Variants in ADAMTSL1 observed in about 807,000 individuals in gnomAD.
ADAMTSL1 encodes the protein ADAMTS like 1, also known as ADAMTS-like protein 1.
A neutral mutation model predicts 201.8 loss-of-function variants in ADAMTSL1; 126 were observed. That is an observed-to-expected ratio of 0.62 (90% CI 0.54 to 0.72). The LOEUF is 0.72. Ranked by LOEUF, ADAMTSL1 falls within the 30% of genes least tolerant of loss-of-function variation. ADAMTSL1 has a pLI of 0.00. For missense variants in ADAMTSL1, 2,679 were observed against 2,277.8 expected (o/e 1.18, Z -3.59); for synonymous variants, 1,121 against 903.4 (o/e 1.24, Z -4.32).
Position 18,505,783 on chromosome 9 carries a change from G to A in ADAMTSL1, c.191+827G>A, listed in dbSNP as rs924087345. ...TACTGTATATACTATATTATAAAAC[G>A]GGAAACAGAAAAAGAATTCTAGACA... On this transcript the variant is annotated intron_variant, in intron 2 of 28. Coordinates refer to ENST00000380548, the MANE Select transcript of ADAMTSL1 (RefSeq NM_001040272.6). Among the ~76,000 whole-genome samples the A allele has an allele frequency of 2.6e-4, 40 of 152,214 alleles. 1 individual carries two copies. The highest frequency in any genetic ancestry group is 1.9e-4 in the East Asian group (1 of 5,180).
chr9:18,579,541 G>A (rs1822965136), intron 4 of ADAMTSL1, among the ~76,000 whole-genome samples: 1 of 152,168 alleles, frequency 6.6e-6, no homozygotes, highest in African/African-American at 2.4e-5. Flanking sequence ...CTATGAGCTT[G>A]ATAAATACTA....
intron 2 of ADAMTSL1, among the ~76,000 whole-genome samples, chr9:18,308,667 C>G (rs143571374): frequency 1.3e-5 from 2 of 152,258 alleles, no homozygotes; most frequent in Admixed American, 1.3e-4. Context: ...AGACCAATAT[C>G]AAGTTCTGCA....
At chr9:17,985,553 C>A (rs550234540) in intron 1 of ADAMTSL1, among the ~76,000 whole-genome samples, 2 of 152,040 alleles carry the variant, frequency 1.3e-5, no homozygotes, top group South Asian at 4.2e-4. Context: ...GCATATAAGA[C>A]AAGGAGGAAA....
At chr9:17,932,192 G>C (rs1826824472) in intron 1 of ADAMTSL1, among the ~76,000 whole-genome samples, 1 of 152,164 alleles carries the variant, frequency 6.6e-6, no homozygotes. Context: ...CTCAAGCAGT[G>C]CTCCTTTCTT....
intron 1 of ADAMTSL1, among the ~76,000 whole-genome samples, chr9:17,997,618 T>C (rs1819436857): frequency 6.6e-6 from 1 of 152,056 alleles, no homozygotes; most frequent in African/African-American, 2.4e-5. Context: ...GCGATGCCTC[T>C]GTTTCATTGA....
At chr9:18,308,044 C>G (rs1018668140) in intron 2 of ADAMTSL1, among the ~76,000 whole-genome samples, 1 of 152,140 alleles carries the variant, frequency 6.6e-6, no homozygotes, top group Non-Finnish European at 1.5e-5. Flanking sequence ...GAAACTCACT[C>G]AAAACCACTC....
chr9:18,108,716 T>C (rs1369102844), intron 1 of ADAMTSL1, among the ~76,000 whole-genome samples: 3 of 152,162 alleles, frequency 2.0e-5, no homozygotes, highest in Admixed American at 2.0e-4. Context: ...TAAAAATTAG[T>C]CAATGTGATG....
At position 18,886,189 on chromosome 9, in the gene ADAMTSL1, TATATATATATATATATATATATAC is replaced by T. The variant is rs970539181; in HGVS notation, c.4250-1640_4250-1617del. On this transcript the variant is annotated intron_variant, in intron 23 of 28. Transcript: ENST00000380548. ...GTGTATATATATATATATATATATA[TATATATATATATATATATATATAC>T]ACACACATACATATACATACATACA... Among the ~76,000 whole-genome samples the T allele has an allele frequency of 3.5e-3, 449 of 129,660 alleles. 8 individuals carry two copies. The highest frequency in any genetic ancestry group is 0.016 in the Middle Eastern group (4 of 250). 85.1% of individuals were successfully genotyped at this position (129,660 alleles called of 152,430 possible).
upstream of ADAMTSL1, chr9:18,474,115 T>G: frequency 5.7e-6 from 3 of 530,516 alleles, no homozygotes; most frequent in East Asian, 5.4e-5. Flanking sequence ...TGAGAGGGGC[T>G]GATGGAAGCT....
chr9:18,050,066 C>A (rs889913514), intron 1 of ADAMTSL1, among the ~76,000 whole-genome samples: 3 of 152,172 alleles, frequency 2.0e-5, no homozygotes, highest in Non-Finnish European at 4.4e-5. Context: ...AGTTTAATGA[C>A]TTTAGTCATC....
intron 3 of ADAMTSL1, among the ~76,000 whole-genome samples, chr9:18,554,944 A>G (rs869310669): frequency 2.0e-5 from 3 of 151,478 alleles, no homozygotes; most frequent in Non-Finnish European, 4.4e-5. Flanking sequence ...TTTCACAAAT[A>G]TGTAAGGAAC....
intron 4 of ADAMTSL1, among the ~76,000 whole-genome samples, chr9:18,607,668 C>G (rs1825113434): frequency 6.6e-6 from 1 of 151,924 alleles, no homozygotes; most frequent in South Asian, 2.1e-4. Context: ...TGTTGGTGTG[C>G]TGCACCCATT....
chr9:18,546,867 G>A (rs1225972580), intron 3 of ADAMTSL1, among the ~76,000 whole-genome samples: 1 of 152,060 alleles, frequency 6.6e-6, no homozygotes, highest in Non-Finnish European at 1.5e-5. Flanking sequence ...GTATTTATTA[G>A]CATCCTATGT....
chr9:18,594,087 G>A (rs1277665398), intron 4 of ADAMTSL1, among the ~76,000 whole-genome samples: 1 of 151,846 alleles, frequency 6.6e-6, no homozygotes, highest in Non-Finnish European at 1.5e-5. Flanking sequence ...TTTTAGTCTG[G>A]AAAAGTCTTT....
intron 1 of ADAMTSL1, among the ~76,000 whole-genome samples, chr9:18,156,479 G>T (rs1827158126): frequency 6.6e-6 from 1 of 151,974 alleles, no homozygotes; most frequent in African/African-American, 2.4e-5. Context: ...CAAAAAGGTT[G>T]ATTTCTACCC....
chr9:17,915,169 T>C (rs1313999163), intron 1 of ADAMTSL1, among the ~76,000 whole-genome samples: 1 of 152,204 alleles, frequency 6.6e-6, no homozygotes, highest in African/African-American at 2.4e-5. Context: ...CCCTTTGCAA[T>C]GTCTTCCTCC....
intron 1 of ADAMTSL1, among the ~76,000 whole-genome samples, chr9:18,007,032 G>T (rs1819856773): frequency 1.3e-5 from 2 of 152,008 alleles, no homozygotes; most frequent in Admixed American, 6.6e-5. Context: ...TAAAAACAGA[G>T]AAATTCCCCA....
chr9:17,908,724 C>T (rs1265322328), intron 1 of ADAMTSL1, among the ~76,000 whole-genome samples: 2 of 152,222 alleles, frequency 1.3e-5, no homozygotes, highest in African/African-American at 2.4e-5. Context: ...TTCCAAAGTT[C>T]TGGGATTACA....
intron 1 of ADAMTSL1, among the ~76,000 whole-genome samples, chr9:17,915,004 A>G (rs955683697): frequency 3.3e-5 from 5 of 152,026 alleles, no homozygotes; most frequent in Non-Finnish European, 7.4e-5. Flanking sequence ...ATAATTTTGC[A>G]TTGTTAAAAA....
Sources: gnomAD v4.1 joint callset for allele counts (sites outside exome capture counted in the v4.1 genomes callset) on GRCh38, gnomAD v4.1.1 for gene constraint, MANE v1.5 for transcripts, NCBI Gene and HGNC (gene_info 2026-07-23, HGNC 2026-07-21) for gene names.